The following NSUN6 variants were observed in gnomAD, a reference collection of about 807,000 sequenced individuals.
The protein encoded by NSUN6 is NOP2/Sun RNA methyltransferase 6.
Under a neutral mutation model 58.0 loss-of-function variants are expected in NSUN6, and 64 were observed. That is an observed-to-expected ratio of 1.10 (90% CI 0.90 to 1.36). The LOEUF is 1.36. NSUN6 is among the 40% of genes most tolerant of loss of function. The pLI is 0.00. For synonymous variants in NSUN6, 231 were observed against 193.9 expected, an observed-to-expected ratio of 1.19 and a Z score of -1.59; for missense variants, 701 against 550.1, an observed-to-expected ratio of 1.27 and a Z score of -2.74.
intron 7 of NSUN6, 23 bp from the exon 8 acceptor site, chr10:18,586,116 CAT>C: frequency 2.1e-6 from 3 of 1,454,144 alleles, no homozygotes; most frequent in South Asian, 1.3e-5. Context: ...AAAACACACA[CAT>C]GCAGAAAAAA....
intron 3 of NSUN6, among the ~76,000 whole-genome samples, chr10:18,625,642 C>G (rs920362259): frequency 1.4e-5 from 2 of 139,870 alleles, no homozygotes; most frequent in African/African-American, 2.7e-5. Context: ...GAATCCGGGA[C>G]GCAAAAGCTG....
At chr10:18,656,436 C>A (rs563164389), upstream of NSUN6, among the ~76,000 whole-genome samples, 219 of 152,250 alleles carry the variant, frequency 1.4e-3, no homozygotes, top group Non-Finnish European at 2.6e-3. Flanking sequence ...ACTCAAGAGA[C>A]TGAGGCAGGA....
At chr10:18,595,383 C>T (rs1015070901) in intron 7 of NSUN6, among the ~76,000 whole-genome samples, 28 of 152,250 alleles carry the variant, frequency 1.8e-4, no homozygotes, top group South Asian at 6.2e-4. Flanking sequence ...TAAGCAAATA[C>T]GATAAATATG....
At chr10:18,631,338 T>C (rs1171074753) in intron 3 of NSUN6, among the ~76,000 whole-genome samples, 1 of 145,126 alleles carries the variant, frequency 6.9e-6, no homozygotes. Context: ...CTTTGAAAAC[T>C]GGCACAAGAC....
chr10:18,558,779 G>A (rs952313221), intron 8 of NSUN6, among the ~76,000 whole-genome samples: 1 of 151,016 alleles, frequency 6.6e-6, no homozygotes, highest in Middle Eastern at 3.4e-3. Context: ...AGAATGGAAT[G>A]GAATTGAGAA....
At chr10:18,653,444 T>C (rs549264595), upstream of NSUN6, 2 of 298,834 alleles carry the variant, frequency 6.7e-6, no homozygotes, top group African/African-American at 2.3e-5. Context: ...CTATCTCAGC[T>C]CACTGCAACC....
At chr10:18,634,096 T>C (rs919047390) in intron 3 of NSUN6, among the ~76,000 whole-genome samples, 3 of 152,184 alleles carry the variant, frequency 2.0e-5, no homozygotes, top group Non-Finnish European at 2.9e-5. Context: ...CAGAAATAAT[T>C]CATTCTGCAT....
chr10:18,624,511 C>G (rs1373314339), intron 3 of NSUN6, among the ~76,000 whole-genome samples: 1 of 151,384 alleles, frequency 6.6e-6, no homozygotes, highest in Non-Finnish European at 1.5e-5. Context: ...AAAAAATTAG[C>G]CGGGCATGGT....
intron 3 of NSUN6, among the ~76,000 whole-genome samples, chr10:18,631,960 G>A (rs376248025): frequency 3.7e-4 from 56 of 152,128 alleles, no homozygotes; most frequent in African/African-American, 1.2e-3. Context: ...AATCCTAAGC[G>A]AAAAGAACAA....
intron 8 of NSUN6, among the ~76,000 whole-genome samples, chr10:18,555,606 T>C (rs1227052480): frequency 6.8e-6 from 1 of 146,210 alleles, no homozygotes; most frequent in Non-Finnish European, 1.5e-5. Context: ...GAGAATGGAA[T>C]GGAATAGAGA....
At position 18,558,007 on chromosome 10, in the gene NSUN6, T is replaced by C. The variant is rs139160448; in HGVS notation, c.923-6036A>G. Among the ~76,000 whole-genome samples the C allele has an allele frequency of 4.9e-5, 7 of 142,216 alleles. No homozygotes were observed. In the East Asian group the frequency reaches 1.5e-3, roughly 31 times the overall value. 93.3% of individuals were successfully genotyped at this position (142,216 alleles called of 152,430 possible). ...AGAATGCAACTGAATGGGATGGACA[T>C]GAATGGAGAATGAAATGAAATAGAA... On this transcript the variant is annotated intron_variant, in intron 8 of 10. Coordinates refer to ENST00000377304, the MANE Select transcript of NSUN6 (RefSeq NM_182543.5).
chr10:18,563,982 C>A (rs1486861641), intron 8 of NSUN6, among the ~76,000 whole-genome samples: 1 of 151,626 alleles, frequency 6.6e-6, no homozygotes, highest in Non-Finnish European at 1.5e-5. Context: ...CCACTCCATT[C>A]CATTCCATTC....
At position 18,651,317 on chromosome 10, in the gene NSUN6, A is replaced by G. The variant is rs535293340; in HGVS notation, c.-114T>C. On this transcript the variant is annotated 5_prime_UTR_variant, in exon 1 of 11. Coordinates refer to ENST00000377304, the MANE Select transcript of NSUN6 (RefSeq NM_182543.5). ...GTCTTGACACCAGATGCTGAGGAAA[A>G]TCTTGCCGATCACGCTGAGTTAATT... is the stretch of plus-strand genomic sequence containing the variant. 7.1e-7 allele frequency: 1 copy of G among 1,414,548 alleles called. No homozygotes were observed. The highest frequency in any genetic ancestry group is 1.6e-5 in the South Asian group (1 of 62,286). The allele number at this position is 1,414,548 out of a possible 1,614,324, so 87.6% of individuals were successfully genotyped here. A position where few individuals can be genotyped will look rare whatever the true frequency, so the allele number is the denominator to read the frequency against.
chr10:18,613,124 T>A (rs2058295100), intron 5 of NSUN6, among the ~76,000 whole-genome samples: 1 of 152,170 alleles, frequency 6.6e-6, no homozygotes, highest in East Asian at 1.9e-4. Context: ...TTTGAAATTC[T>A]GAAGTCTCAC....
At chr10:18,651,749 A>G, upstream of NSUN6, 1 of 985,248 alleles carries the variant, frequency 1.0e-6, no homozygotes, top group Non-Finnish European at 1.2e-6. Context: ...GAGGTTCCTA[A>G]CCCTGCGTGA....
At chr10:18,553,427 AGAATG>A (rs2054746376) in intron 8 of NSUN6, among the ~76,000 whole-genome samples, 1 of 151,514 alleles carries the variant, frequency 6.6e-6, no homozygotes, top group Non-Finnish European at 1.5e-5. Context: ...AATGGAATGG[AGAATG>A]GAATGGAATG....
chr10:18,569,938 A>G (rs1221804077), intron 8 of NSUN6, among the ~76,000 whole-genome samples: 1 of 137,318 alleles, frequency 7.3e-6, no homozygotes, highest in Non-Finnish European at 1.5e-5. Flanking sequence ...TCCTTTCTCT[A>G]TTGCACTCCA....
At chr10:18,648,690 T>C in intron 1 of NSUN6, 45 bp from the exon 2 acceptor site, 1 of 1,109,828 alleles carries the variant, frequency 9.0e-7, no homozygotes, top group South Asian at 1.3e-5. Context: ...TTAAAAACAG[T>C]CAGCAGAGCA....
At chr10:18,617,714 T>C (rs1317785046) in intron 3 of NSUN6, among the ~76,000 whole-genome samples, 1 of 152,020 alleles carries the variant, frequency 6.6e-6, no homozygotes, top group Admixed American at 6.6e-5. Flanking sequence ...TCTGGATGTG[T>C]CCCCCAATAT....
Sources: allele counts gnomAD v4.1 joint callset (sites outside exome capture counted in the v4.1 genomes callset), GRCh38; gene constraint gnomAD v4.1.1; transcripts MANE v1.5; gene names NCBI Gene and HGNC (gene_info 2026-07-23, HGNC 2026-07-21).